The following LOC102723971 variants were observed in gnomAD, a reference collection of about 807,000 sequenced individuals.
At chr9:135,615,695 G>C in the LOC102723971 span, among the ~76,000 whole-genome samples, 2 of 152,204 alleles carry the variant, frequency 1.3e-5, no homozygotes, top group Non-Finnish European at 2.9e-5. Flanking sequence ...CGGAGGCAAC[G>C]TCCAGTCCCA....
the LOC102723971 span, among the ~76,000 whole-genome samples, chr9:135,618,250 C>T: frequency 6.6e-6 from 1 of 152,154 alleles, no homozygotes; most frequent in Admixed American, 6.5e-5. Flanking sequence ...CGTCTCCACT[C>T]TACAGATGTG....
the LOC102723971 span, among the ~76,000 whole-genome samples, chr9:135,619,187 TCCTGCCAACCA>T: frequency 8.3e-4 from 127 of 152,208 alleles, no homozygotes; most frequent in Admixed American, 3.6e-3. Context: ...CGTCTCCAGG[TCCTGCCAACCA>T]CCTGCCAACC....
chr9:135,619,464 C>A, the LOC102723971 span, among the ~76,000 whole-genome samples: 1 of 152,124 alleles, frequency 6.6e-6, no homozygotes, highest in African/African-American at 2.4e-5. Flanking sequence ...CAGCTCCCCT[C>A]CACTGTGACC....
chr9:135,618,993 C>G, the LOC102723971 span: 1 of 402,910 alleles, frequency 2.5e-6, no homozygotes, highest in Admixed American at 4.4e-5. Flanking sequence ...GCCTGGGCCC[C>G]TCACCCCTCT....
At chr9:135,615,755 C>A in the LOC102723971 span, among the ~76,000 whole-genome samples, 1 of 152,188 alleles carries the variant, frequency 6.6e-6, no homozygotes, top group East Asian at 1.9e-4. Flanking sequence ...GTGAAGGAAG[C>A]CCGGGTCTGG....
At chr9:135,617,547 C>T in the LOC102723971 span, among the ~76,000 whole-genome samples, 1 of 151,312 alleles carries the variant, frequency 6.6e-6, no homozygotes. Flanking sequence ...GGTGGGGGAG[C>T]GGGGCAGCAG....
chr9:135,619,885 ATCTCCCCCG>A, the LOC102723971 span, among the ~76,000 whole-genome samples: 1 of 16,114 alleles, frequency 6.2e-5, no homozygotes, highest in Admixed American at 7.3e-4. Flanking sequence ...CTTCTCCCCA[ATCTCCCCCG>A]TCTCCCCCTT....
chr9:135,617,802 C>T, the LOC102723971 span: 1 of 395,250 alleles, frequency 2.5e-6, no homozygotes, highest in East Asian at 3.6e-5. Context: ...TCCGAAGAGC[C>T]CCCAGACTGT....
the LOC102723971 span, among the ~76,000 whole-genome samples, chr9:135,617,548 G>C: frequency 6.6e-6 from 1 of 152,144 alleles, no homozygotes; most frequent in Non-Finnish European, 1.5e-5. Context: ...GTGGGGGAGC[G>C]GGGCAGCAGC....
At chr9:135,618,023 G>A in the LOC102723971 span, 4 of 398,580 alleles carry the variant, frequency 1.0e-5, no homozygotes, top group African/African-American at 8.2e-5. Flanking sequence ...CCTGCAGAAA[G>A]CCCCGGTCTT....
the LOC102723971 span, among the ~76,000 whole-genome samples, chr9:135,617,603 G>A: frequency 6.6e-6 from 1 of 152,178 alleles, no homozygotes; most frequent in Non-Finnish European, 1.5e-5. Flanking sequence ...GTTGGGAGGG[G>A]TGGCACCAGG....
the LOC102723971 span, chr9:135,615,282 C>G: frequency 0.22 from 87,858 of 397,828 alleles, 10,286 homozygotes; most frequent in African/African-American, 0.25. Context: ...CCCGACCCGG[C>G]CCACACCCCT....
At chr9:135,615,893 G>C in the LOC102723971 span, among the ~76,000 whole-genome samples, 4 of 152,236 alleles carry the variant, frequency 2.6e-5, no homozygotes, top group African/African-American at 4.8e-5. Context: ...TCCCGAGGAC[G>C]GCTGCACTGT....
At chr9:135,617,088 G>A in the LOC102723971 span, 2 of 398,018 alleles carry the variant, frequency 5.0e-6, no homozygotes, top group Admixed American at 8.8e-5. Context: ...CGGAGCTGCT[G>A]GACACTCCCG....
the LOC102723971 span, among the ~76,000 whole-genome samples, chr9:135,619,319 G>A: frequency 6.6e-6 from 1 of 152,172 alleles, no homozygotes; most frequent in Non-Finnish European, 1.5e-5. Flanking sequence ...CAGCGCCAGA[G>A]GCCTCCAAAA....
chr9:135,617,107 CAG>C, the LOC102723971 span: 1 of 397,384 alleles, frequency 2.5e-6, no homozygotes, highest in Non-Finnish European at 4.4e-6. Flanking sequence ...CGGCTCTGTG[CAG>C]AGACTTGCTG....
At chr9:135,615,279 C>T in the LOC102723971 span, 43 of 396,512 alleles carry the variant, frequency 1.1e-4, no homozygotes, top group Non-Finnish European at 1.7e-4. Flanking sequence ...TCTCCCGACC[C>T]GGCCCACACC....
the LOC102723971 span, chr9:135,615,547 G>A: frequency 5.0e-6 from 2 of 398,680 alleles, no homozygotes; most frequent in African/African-American, 4.1e-5. Flanking sequence ...CTCAGACCTA[G>A]GGACCCCCAA....
the LOC102723971 span, chr9:135,616,606 G>C: frequency 2.5e-6 from 1 of 398,768 alleles, no homozygotes; most frequent in Non-Finnish European, 4.4e-6. Flanking sequence ...GGTGTGTAAA[G>C]AAACAAACAT....
Sources: gnomAD v4.1 joint callset for allele counts (sites outside exome capture counted in the v4.1 genomes callset) on GRCh38, gnomAD v4.1.1 for gene constraint, MANE v1.5 for transcripts.